Variants in CPNE5 observed in about 807,000 individuals in gnomAD.
The protein encoded by CPNE5 is copine-5.
Under a neutral mutation model 81.1 loss-of-function variants are expected in CPNE5, and 42 were observed. The observed-to-expected ratio is 0.52, with a 90% CI of 0.40 to 0.67. The LOEUF is 0.67. CPNE5 is among the 30% of genes least tolerant of loss of function. The pLI is 0.00. For synonymous variants in CPNE5, 313 were observed against 321.5 expected (o/e 0.97, Z 0.28); for missense variants, 612 against 815.5 (o/e 0.75, Z 3.04).
At chr6:36,795,762 C>T (rs555399790) in intron 6 of CPNE5, among the ~76,000 whole-genome samples, 4 of 152,246 alleles carry the variant, frequency 2.6e-5, no homozygotes, top group South Asian at 4.1e-4. Flanking sequence ...ATGGTCCCAG[C>T]GAACTAACAC....
chr6:36,800,655 C>T (rs1041976218), intron 3 of CPNE5, among the ~76,000 whole-genome samples: 2 of 152,218 alleles, frequency 1.3e-5, no homozygotes, highest in African/African-American at 4.8e-5. Flanking sequence ...CGAACGTGGG[C>T]TGGACCTAGT....
In CPNE5 at chr6:36,801,314, G is replaced by A. The variant is rs6915722; in HGVS notation, c.184-1244C>T. ...CAGAGGCTCTGACTCAGTAGGTCTA[G>A]TGGAGCCTGGGAATCTGCATTTTAA... On this transcript the variant is annotated intron_variant, in intron 3 of 20. Coordinates refer to ENST00000244751, the MANE Select transcript of CPNE5 (RefSeq NM_020939.2). Among the ~76,000 whole-genome samples the A allele has an allele frequency of 9.9e-3, 1,504 of 152,348 alleles. 22 individuals carry two copies. The highest frequency in any genetic ancestry group is 0.033 in the African/African-American group (1,371 of 41,572).
intron 1 of CPNE5, among the ~76,000 whole-genome samples, chr6:36,836,076 C>G (rs1268716273): frequency 6.6e-6 from 1 of 152,208 alleles, no homozygotes; most frequent in Non-Finnish European, 1.5e-5. Flanking sequence ...GAGACAGATT[C>G]CAGGGCTCAC....
At chr6:36,796,105 C>T (rs775284231) in intron 6 of CPNE5, among the ~76,000 whole-genome samples, 16 of 152,206 alleles carry the variant, frequency 1.1e-4, no homozygotes, top group African/African-American at 3.4e-4. Flanking sequence ...TGTGCCACCA[C>T]GCCAGGCTAA....
chr6:36,792,247 G>T, intron 7 of CPNE5, 151 bp from the exon 8 acceptor site: 1 of 1,287,866 alleles, frequency 7.8e-7, no homozygotes, highest in Non-Finnish European at 1.1e-6. Context: ...AGTCTCCTGA[G>T]ATCCTTGTGG....
chr6:36,744,896 G>GT, intron 18 of CPNE5, 152 bp downstream of exon 18: 12 of 642,890 alleles, frequency 1.9e-5, no homozygotes, highest in South Asian at 5.3e-5. Context: ...GAGGGCAGTG[G>GT]GGCCCAGTGA....
chr6:36,788,450 A>C (rs187998329), intron 8 of CPNE5, among the ~76,000 whole-genome samples: 15 of 152,266 alleles, frequency 9.9e-5, no homozygotes, highest in East Asian at 1.9e-4. Context: ...GGTGAGGGAA[A>C]GACTGAGGAT....
intron 14 of CPNE5, among the ~76,000 whole-genome samples, chr6:36,750,817 A>G (rs1400571463): frequency 6.6e-6 from 1 of 152,218 alleles, no homozygotes; most frequent in Non-Finnish European, 1.5e-5. Context: ...GGCTCTTCCA[A>G]ATACAGGGTG....
chr6:36,827,608 C>T (rs1334348649), intron 1 of CPNE5: 4 of 985,422 alleles, frequency 4.1e-6, no homozygotes, highest in Non-Finnish European at 4.8e-6. Context: ...AACACACACA[C>T]GTGTAGCACC....
intron 4 of CPNE5, among the ~76,000 whole-genome samples, chr6:36,799,491 GA>G (rs1769909498): frequency 6.6e-6 from 1 of 152,310 alleles, no homozygotes; most frequent in East Asian, 1.9e-4. Context: ...AATGTCAGGA[GA>G]AAGGCACTCT....
chr6:36,743,080 C>G, intron 20 of CPNE5: 2 of 985,390 alleles, frequency 2.0e-6, no homozygotes, highest in Non-Finnish European at 2.4e-6. Flanking sequence ...GTCTCCACAC[C>G]TGGGATACTG....
intron 8 of CPNE5, among the ~76,000 whole-genome samples, chr6:36,784,435 C>T (rs555214923): frequency 1.3e-5 from 2 of 152,362 alleles, no homozygotes; most frequent in Admixed American, 6.5e-5. Flanking sequence ...TGGAAGGTCA[C>T]TCTGCCTTTC....
intron 4 of CPNE5, 95 bp from the exon 5 acceptor site, chr6:36,798,589 A>G: frequency 5.7e-6 from 6 of 1,051,874 alleles, no homozygotes; most frequent in Non-Finnish European, 8.8e-6. Flanking sequence ...CTGTCCCCCA[A>G]AAAACAGGTC....
At position 36,763,762 on chromosome 6, in the gene CPNE5, T is replaced by C. The variant is rs574634054; in HGVS notation, c.780-770A>G. On this transcript the variant is annotated intron_variant, in intron 11 of 20. Coordinates refer to ENST00000244751, the MANE Select transcript of CPNE5 (RefSeq NM_020939.2). ...TAATTTAAGCTACATTAGCAAAACA[T>C]AGATGAAGCAAATATAACAAATGTT... 3.3e-5 allele frequency among the ~76,000 whole-genome samples: 5 copies of C among 152,250 alleles called. No homozygotes were observed. In the South Asian group the frequency reaches 8.3e-4, roughly 25 times the overall value.
chr6:36,819,823 A>G (rs1771885833), intron 3 of CPNE5, among the ~76,000 whole-genome samples: 1 of 152,122 alleles, frequency 6.6e-6, no homozygotes, highest in South Asian at 2.1e-4. Flanking sequence ...CCTCCCTCCC[A>G]GGAGTCAGTG....
At position 36,746,604 on chromosome 6, in the gene CPNE5, G is replaced by GGT; in HGVS notation, c.1019-28_1019-27insAC. ...TGTAACACAGGACATGGGAGCCTTT[G>GGT]ACCATCTGGACCCTCCAAGTCACCC... On this transcript the variant is annotated intron_variant, in intron 15 of 20. Transcript: ENST00000244751. This position sits in a 1 kb window ranked among gnomAD's most constrained non-coding sequence, Gnocchi z 4.5. 1 of 1,587,568 alleles carries GGT rather than the reference G, an allele frequency of 6.3e-7. No homozygotes were observed. The highest frequency in any genetic ancestry group is 8.5e-7 in the Non-Finnish European group (1 of 1,170,772).
chr6:36,778,254 A>G (rs1767723040), intron 9 of CPNE5, among the ~76,000 whole-genome samples: 1 of 152,152 alleles, frequency 6.6e-6, no homozygotes, highest in African/African-American at 2.4e-5. Context: ...ACATTTGCCA[A>G]CATGTTGTGT....
intron 19 of CPNE5, 62 bp downstream of exon 19, chr6:36,744,206 G>A: frequency 1.5e-6 from 2 of 1,306,032 alleles, no homozygotes; most frequent in Non-Finnish European, 2.2e-6. Context: ...GAAACATCTG[G>A]GGTGGGGGCA....
intron 3 of CPNE5, among the ~76,000 whole-genome samples, chr6:36,805,977 G>T (rs1231282318): frequency 6.6e-6 from 1 of 152,206 alleles, no homozygotes; most frequent in Non-Finnish European, 1.5e-5. Context: ...TGGGATGTAT[G>T]GGGCAGGTAG....
Sources: gnomAD v4.1 joint callset for allele counts (sites outside exome capture counted in the v4.1 genomes callset) on GRCh38, gnomAD v4.1.1 for gene constraint, Gnocchi (gnomAD v3.1) non-coding constraint, MANE v1.5 for transcripts, NCBI Gene and HGNC (gene_info 2026-07-23, HGNC 2026-07-21) for gene names.